Variants in ADGRB3 observed in about 807,000 individuals in gnomAD.
ADGRB3 encodes the protein adhesion G protein-coupled receptor B3, also known as brain-specific angiogenesis inhibitor 3.
A neutral mutation model predicts 193.4 loss-of-function variants in ADGRB3; 37 were observed. The ratio of observed to expected loss-of-function variants is 0.19; its 90% CI spans 0.15 to 0.25. The LOEUF is 0.25. Among genes scored for constraint, ADGRB3 ranks in the 10% least tolerant of loss-of-function variants. The pLI, the probability that ADGRB3 is intolerant of heterozygous loss-of-function variation, is 1.00. For missense variants in ADGRB3, 1,637 were observed against 1,852.9 expected (o/e 0.88, Z 2.14); for synonymous variants, 690 against 644.2 (o/e 1.07, Z -1.08).
chr6:68,756,615 G>A (rs527352153), intron 3 of ADGRB3, among the ~76,000 whole-genome samples: 34 of 152,136 alleles, frequency 2.2e-4, no homozygotes, highest in African/African-American at 7.5e-4. Context: ...AAAATGACGC[G>A]GGGCATGCCT....
rs190548798 is a variant in ADGRB3, at chr6:68,710,439, A to G, written c.757+71007A>G. Among the ~76,000 whole-genome samples the G allele has an allele frequency of 1.1e-4, 17 of 152,156 alleles. No individual in the cohort carries two copies. The East Asian group carries it at 2.3e-3, about 21-fold the overall frequency. ...TTTGTATTGACATTGGCATTTCTTA[A>G]TGACAAATGCCATCTGTTATTTGGG... On this transcript the variant is annotated intron_variant, in intron 3 of 31. Transcript: ENST00000370598.
rs542929584 is a variant in ADGRB3, at chr6:68,961,352, A to T, written c.1525+4543A>T. Among the ~76,000 whole-genome samples the T allele has an allele frequency of 1.1e-4, 17 of 152,226 alleles. No homozygotes were observed. The East Asian group carries it at 3.1e-3, about 28-fold the overall frequency. On this transcript the variant is annotated intron_variant, in intron 8 of 31. Transcript: ENST00000370598. ...GCCAGGACACAGATCTGCAGTCCTG[A>T]TGTTGTCAGCCCCAGCATCTCTCTT...
intron 28 of ADGRB3, among the ~76,000 whole-genome samples, chr6:69,360,543 C>G (rs1582656513): frequency 6.6e-6 from 1 of 151,972 alleles, no homozygotes; most frequent in Admixed American, 6.6e-5. Context: ...GAAAACTTCT[C>G]TGGTAATCTC....
At chr6:68,792,926 A>C (rs1471026424) in intron 3 of ADGRB3, among the ~76,000 whole-genome samples, 3 of 152,206 alleles carry the variant, frequency 2.0e-5, no homozygotes, top group Non-Finnish European at 4.4e-5. Flanking sequence ...ACAGTTGTTT[A>C]ACTTCAGGAA....
chr6:69,257,471 A>C, intron 20 of ADGRB3, among the ~76,000 whole-genome samples: 1 of 152,246 alleles, frequency 6.6e-6, no homozygotes, highest in East Asian at 1.9e-4. Context: ...TTTCTTCTAG[A>C]GTTTCTAGTT....
chr6:69,155,209 A>G (rs573436423), intron 17 of ADGRB3, among the ~76,000 whole-genome samples: 2 of 152,304 alleles, frequency 1.3e-5, no homozygotes, highest in African/African-American at 4.8e-5. Flanking sequence ...GGAGAGAGAA[A>G]GGAATAAACT....
intron 6 of ADGRB3, among the ~76,000 whole-genome samples, chr6:68,951,428 C>A (rs968877248): frequency 1.3e-5 from 2 of 152,048 alleles, no homozygotes; most frequent in African/African-American, 4.8e-5. Context: ...TCTAGTGAAA[C>A]GCTCTGGTTT....
intron 20 of ADGRB3, among the ~76,000 whole-genome samples, chr6:69,259,564 C>T (rs1270229808): frequency 3.3e-5 from 5 of 151,718 alleles, no homozygotes; most frequent in East Asian, 1.9e-4. Context: ...GGCTTGGTGG[C>T]GGGCACCTGT....
chr6:69,238,305 C>T (rs1240548597), intron 19 of ADGRB3, among the ~76,000 whole-genome samples: 1 of 152,064 alleles, frequency 6.6e-6, no homozygotes, highest in Non-Finnish European at 1.5e-5. Context: ...TGATTTACCA[C>T]AGAATGCAGT....
At chr6:69,128,228 G>T (rs952171670) in intron 17 of ADGRB3, among the ~76,000 whole-genome samples, 3 of 152,106 alleles carry the variant, frequency 2.0e-5, no homozygotes, top group African/African-American at 7.2e-5. Flanking sequence ...TCATAAGAGA[G>T]TATCTAAGAT....
At chr6:68,979,867 C>A (rs1193650231) in intron 10 of ADGRB3, among the ~76,000 whole-genome samples, 1 of 151,410 alleles carries the variant, frequency 6.6e-6, no homozygotes, top group Non-Finnish European at 1.5e-5. Flanking sequence ...TCTCTCTCCT[C>A]TTCCTCCTCT....
At chr6:69,297,629 G>T (rs1767858375) in intron 20 of ADGRB3, among the ~76,000 whole-genome samples, 1 of 151,816 alleles carries the variant, frequency 6.6e-6, no homozygotes, top group African/African-American at 2.4e-5. Flanking sequence ...CCAAAAGATG[G>T]TTCATAAATC....
chr6:69,108,623 A>G (rs1251464117), intron 17 of ADGRB3, among the ~76,000 whole-genome samples: 1 of 152,148 alleles, frequency 6.6e-6, no homozygotes, highest in African/African-American at 2.4e-5. Flanking sequence ...GGTGCTATAA[A>G]AGAGAAGAAT....
At chr6:69,229,492 C>A (rs1766088583) in intron 17 of ADGRB3, among the ~76,000 whole-genome samples, 1 of 151,962 alleles carries the variant, frequency 6.6e-6, no homozygotes, top group South Asian at 2.1e-4. Flanking sequence ...TAAATGTATT[C>A]CTAATATCCC....
intron 20 of ADGRB3, among the ~76,000 whole-genome samples, chr6:69,280,477 C>T (rs1317871925): frequency 6.6e-6 from 1 of 152,078 alleles, no homozygotes; most frequent in Non-Finnish European, 1.5e-5. Flanking sequence ...ATCTGTGTGA[C>T]CTCGGGCAAG....
chr6:68,771,436 A>G (rs1176738000), intron 3 of ADGRB3, among the ~76,000 whole-genome samples: 1 of 151,968 alleles, frequency 6.6e-6, no homozygotes, highest in African/African-American at 2.4e-5. Flanking sequence ...ACACATACAT[A>G]TGTTTGCTCA....
chr6:69,042,772 T>C (rs1771109773), intron 13 of ADGRB3, among the ~76,000 whole-genome samples: 1 of 152,184 alleles, frequency 6.6e-6, no homozygotes, highest in Admixed American at 6.5e-5. Context: ...CTACTATTGA[T>C]GAGACAAGGT....
intron 13 of ADGRB3, among the ~76,000 whole-genome samples, chr6:69,044,144 A>T (rs913586278): frequency 6.6e-6 from 1 of 152,232 alleles, no homozygotes; most frequent in Non-Finnish European, 1.5e-5. Context: ...GGATTTGAAT[A>T]TTGGATCCAG....
chr6:69,018,356 T>G, intron 12 of ADGRB3, 35 bp from the exon 13 acceptor site: 1 of 1,402,006 alleles, frequency 7.1e-7, no homozygotes, highest in South Asian at 1.3e-5. Flanking sequence ...ATGTATAGAT[T>G]TTTTATTCCT....
Sources: allele counts gnomAD v4.1 joint callset (sites outside exome capture counted in the v4.1 genomes callset), GRCh38; gene constraint gnomAD v4.1.1; transcripts MANE v1.5; gene names NCBI Gene and HGNC (gene_info 2026-07-23, HGNC 2026-07-21).